The following FRMD7 variants were observed in gnomAD, a reference collection of about 807,000 sequenced individuals.
The protein encoded by FRMD7 is FERM domain containing 7.
FRMD7 carries 14 observed loss-of-function variants against 44.1 expected under a neutral mutation model. The observed-to-expected ratio is 0.32, with a 90% confidence interval of 0.21 to 0.50. The LOEUF (loss-of-function observed/expected upper bound fraction) is 0.50, where lower values mean the gene tolerates loss of function less well. FRMD7 is among the 20% of genes least tolerant of loss of function. The pLI is 0.99. For missense variants in FRMD7, 501 were observed against 522.3 expected (o/e 0.96, Z 0.40); for synonymous variants, 212 against 187.4 (o/e 1.13, Z -1.07).
chrX:132,095,913 T>C (rs1027926991), intron 4 of FRMD7, among the ~76,000 whole-genome samples: 1 of 112,750 alleles, frequency 8.9e-6, no homozygotes, highest in African/African-American at 3.2e-5. Flanking sequence ...CTTCTTGTCA[T>C]TTGACACGTT....
chrX:132,105,532 A>G (rs745671987), intron 1 of FRMD7, among the ~76,000 whole-genome samples: 1 of 112,148 alleles, frequency 8.9e-6, no homozygotes, highest in South Asian at 3.7e-4. Context: ...GTTGAACAAA[A>G]AAAGAGCCCA....
chrX:132,109,817 T>C (rs961690854), intron 1 of FRMD7, among the ~76,000 whole-genome samples: 2 of 111,297 alleles, frequency 1.8e-5, no homozygotes, highest in Non-Finnish European at 3.8e-5. Context: ...AGAAGAGTGT[T>C]AGAGGCAGAA....
chrX:132,120,902 C>T (rs1471896781), intron 1 of FRMD7, among the ~76,000 whole-genome samples: 3 of 112,468 alleles, frequency 2.7e-5, no homozygotes, highest in South Asian at 3.7e-4. Context: ...TATGGGTCCC[C>T]TGCAATGACA....
chrX:132,118,712 T>A (rs1403385632), intron 1 of FRMD7, among the ~76,000 whole-genome samples: 1 of 111,797 alleles, frequency 8.9e-6, no homozygotes, highest in African/African-American at 3.3e-5. Context: ...CAGTTCCTGC[T>A]TGTCTCTCCT....
intron 5 of FRMD7, among the ~76,000 whole-genome samples, chrX:132,092,484 G>A (rs1372705803): frequency 1.8e-5 from 2 of 111,972 alleles, no homozygotes; most frequent in African/African-American, 3.2e-5. Context: ...TGCATACTAC[G>A]TTAGAGTTTA....
chrX:132,114,331 C>T (rs1928849585), intron 1 of FRMD7, among the ~76,000 whole-genome samples: 1 of 111,562 alleles, frequency 9.0e-6, no homozygotes, highest in African/African-American at 3.3e-5. Flanking sequence ...ATTGACTGAA[C>T]AGAAAACCTT....
At chrX:132,114,488 T>C (rs1312499297) in intron 1 of FRMD7, among the ~76,000 whole-genome samples, 1 of 112,208 alleles carries the variant, frequency 8.9e-6, no homozygotes, top group Non-Finnish European at 1.9e-5. Flanking sequence ...TACTTGAAAT[T>C]TATTTTCTTC....
chrX:132,115,453 A>G (rs1366301190), intron 1 of FRMD7, among the ~76,000 whole-genome samples: 3 of 112,654 alleles, frequency 2.7e-5, no homozygotes, highest in Non-Finnish European at 5.6e-5. Context: ...CTACACATCT[A>G]AAAGACTAAT....
intron 1 of FRMD7, among the ~76,000 whole-genome samples, chrX:132,114,617 CAAAAATGAG>C (rs2124007222): frequency 8.9e-6 from 1 of 112,011 alleles, no homozygotes; most frequent in Admixed American, 9.4e-5. Flanking sequence ...AACTGATTAG[CAAAAATGAG>C]ATGTCATGTG....
rs1388852639 is a variant in FRMD7, at chrX:132,078,880, C to G, written c.1137G>C (p.Arg379Ser). The change falls in exon 12 of 12, where the codon AGG becomes AGC. Residue 379 changes from arginine (R) to serine (S), a missense_variant. Around this residue, in one of 3 missense-constraint regions of FRMD7, gnomAD observed 453 missense variants for 452.7 expected, o/e 1.00. Transcript: ENST00000298542. ...TCACCTCCAATGCAGAATTCCTCCT[C>G]CTACTCTCCAGCACTGGCTCAGATG... ...VHASEPVLES[R>S]RRNSALEVTF... The G allele has an allele frequency of 8.3e-7, 1 of 1,203,753 alleles. No homozygotes were observed. The highest frequency in any genetic ancestry group is 1.1e-6 in the Non-Finnish European group (1 of 889,848).
intron 1 of FRMD7, among the ~76,000 whole-genome samples, chrX:132,107,677 A>G (rs1269507300): frequency 9.3e-6 from 1 of 108,052 alleles, no homozygotes; most frequent in Non-Finnish European, 1.9e-5. Context: ...CAATCTTATC[A>G]GATAAGGACC....
intron 8 of FRMD7, among the ~76,000 whole-genome samples, chrX:132,084,029 CTGTT>C (rs1927905303): frequency 8.9e-6 from 1 of 111,945 alleles, no homozygotes; most frequent in South Asian, 3.7e-4. Flanking sequence ...TGCCCAAAAA[CTGTT>C]TATTTTGCTT....
Position 132,078,152 on chromosome X carries a change from A to T in FRMD7, c.1865T>A (p.Leu622Gln), listed in dbSNP as rs375348707. Residue 622 changes from leucine (L) to glutamine (Q), a missense_variant, in exon 12 of 12, where the codon CTG (leucine) becomes CAG (glutamine). Leu to Gln is a moderately radical substitution (Grantham distance 113). Coordinates refer to ENST00000298542, the MANE Select transcript of FRMD7 (RefSeq NM_194277.3). ...PCPALSHKADLFTDMFAEQEL... is the reference protein window; with the variant it reads ...PCPALSHKADQFTDMFAEQEL... ...CTGCTCTGCAAACATATCCGTAAAC[A>T]GGTCTGCTTTATGACTGAGAGCAGG... 8.3e-6 allele frequency: 10 copies of T among 1,209,675 alleles called. No homozygotes were observed. Among genetic ancestry groups the T allele is most frequent in the Non-Finnish European group, 8.9e-6 (8 of 894,691 alleles).
At chrX:132,087,583 T>C (rs1468088417) in intron 5 of FRMD7, among the ~76,000 whole-genome samples, 1 of 111,756 alleles carries the variant, frequency 8.9e-6, no homozygotes, top group African/African-American at 3.2e-5. Context: ...TGAAACCCAA[T>C]AAGGCTCTGA....
chrX:132,090,596 T>C (rs960924714), intron 5 of FRMD7, among the ~76,000 whole-genome samples: 2 of 111,322 alleles, frequency 1.8e-5, no homozygotes, highest in African/African-American at 6.5e-5. Flanking sequence ...GAGAGATGTC[T>C]TTTGGTGTGA....
intron 9 of FRMD7, among the ~76,000 whole-genome samples, chrX:132,080,601 C>T (rs767958735): frequency 9.0e-6 from 1 of 111,380 alleles, no homozygotes; most frequent in Non-Finnish European, 1.9e-5. Flanking sequence ...ATGACTCGAG[C>T]CCAGGAGTTT....
chrX:132,097,280 C>T lies in FRMD7; in HGVS notation c.270G>A (p.Arg90=). 8.4e-7 allele frequency: 1 copy of T among 1,184,518 alleles called. No homozygotes were observed. Among genetic ancestry groups the T allele is most frequent in the Non-Finnish European group, 1.1e-6 (1 of 870,840 alleles). ...AATCACTATACCTTGTAAGTTCTTCCCGCAGATGTCCAGGGTCCACTGGGA... is the reference window on the plus strand; with the variant it reads ...AATCACTATACCTTGTAAGTTCTTCTCGCAGATGTCCAGGGTCCACTGGGA... ...KFFPVDPGHL[R]EELTRYLFTL... Residue 90 remains arginine, a synonymous_variant, in exon 4 of 12, where the codon CGG becomes CGA. Transcript: ENST00000298542.
intron 1 of FRMD7, among the ~76,000 whole-genome samples, chrX:132,123,911 G>A (rs964047606): frequency 8.9e-6 from 1 of 112,398 alleles, no homozygotes; most frequent in Admixed American, 9.4e-5. Context: ...CTTTTACAAA[G>A]ACAGAAATGC....
At chrX:132,099,070 C>T (rs1928423752) in intron 3 of FRMD7, among the ~76,000 whole-genome samples, 1 of 111,677 alleles carries the variant, frequency 9.0e-6, no homozygotes, top group Admixed American at 9.6e-5. Flanking sequence ...ATATTAGGCA[C>T]TTAAATATGA....
Sources: allele counts gnomAD v4.1 joint callset (sites outside exome capture counted in the v4.1 genomes callset), GRCh38; gene constraint gnomAD v4.1.1; regional missense constraint gnomAD v4.1.1; transcripts MANE v1.5; gene names NCBI Gene and HGNC (gene_info 2026-07-23, HGNC 2026-07-21).